Variants in LRRTM4 observed in about 807,000 individuals in gnomAD.
LRRTM4 encodes leucine-rich repeat transmembrane neuronal protein 4.
Under a neutral mutation model 47.6 loss-of-function variants are expected in LRRTM4, and 25 were observed. The observed-to-expected ratio is 0.53, with a 90% CI of 0.38 to 0.73. The LOEUF is 0.73. Ranked by LOEUF, LRRTM4 falls within the 30% of genes least tolerant of loss-of-function variation. The probability of loss-of-function intolerance (pLI) is 0.00; values close to 1 mark genes in which losing one functional copy is unlikely to be tolerated. For missense variants in LRRTM4, 638 were observed against 713.4 expected, an observed-to-expected ratio of 0.89 and a Z score of 1.20; for synonymous variants, 311 against 269.5, an observed-to-expected ratio of 1.15 and a Z score of -1.51.
chr2:76,775,211 T>G (rs1673911771), intron 3 of LRRTM4, among the ~76,000 whole-genome samples: 1 of 152,210 alleles, frequency 6.6e-6, no homozygotes, highest in South Asian at 2.1e-4. Flanking sequence ...CTTTTGCAAT[T>G]TTTTCTGTAA....
At chr2:77,421,579 T>C (rs560371751) in intron 3 of LRRTM4, among the ~76,000 whole-genome samples, 82 of 152,024 alleles carry the variant, frequency 5.4e-4, no homozygotes, top group East Asian at 2.1e-3. Flanking sequence ...TGTTGGCGGG[T>C]GCCTGTAGTC....
At chr2:77,024,690 G>A (rs914277999) in intron 3 of LRRTM4, among the ~76,000 whole-genome samples, 2 of 151,942 alleles carry the variant, frequency 1.3e-5, no homozygotes, top group African/African-American at 2.4e-5. Flanking sequence ...CACTTTTCCA[G>A]TTTCAGAATG....
chr2:77,082,172 AT>A (rs1680554461), intron 3 of LRRTM4, among the ~76,000 whole-genome samples: 1 of 152,040 alleles, frequency 6.6e-6, no homozygotes, highest in Admixed American at 6.6e-5. Flanking sequence ...TAATTTCTTA[AT>A]ATCTTTATTC....
At chr2:76,769,603 T>C (rs76019515) in intron 3 of LRRTM4, among the ~76,000 whole-genome samples, 386 of 152,254 alleles carry the variant, frequency 2.5e-3, no homozygotes, top group African/African-American at 8.9e-3. Flanking sequence ...ATGTTCTTTA[T>C]CACATTGGTC....
In LRRTM4 at chr2:76,863,955, T is replaced by C. The variant is rs561173065; in HGVS notation, c.1552-115039A>G. Among the ~76,000 whole-genome samples, 11 of 152,324 alleles carry C rather than the reference T, an allele frequency of 7.2e-5. No individual in the cohort carries two copies. In the East Asian group the frequency reaches 1.9e-3, roughly 27 times the overall value. On this transcript the variant is annotated intron_variant, in intron 3 of 3. Coordinates refer to ENST00000409884, the MANE Select transcript of LRRTM4 (RefSeq NM_001134745.3). The stretch of plus-strand genomic sequence containing the variant: ...ACACACACTGGTTTAAAAAGATCTA[T>C]GGGACCTAAAAAGATTCAGACTATA...
In LRRTM4 at chr2:76,763,792, C is replaced by T. The variant is rs1203647143; in HGVS notation, c.1552-14876G>A. On this transcript the variant is annotated intron_variant, in intron 3 of 3. Transcript: ENST00000409884. ...AATATAGAAGAAGTTAAAGTTAATTCTGGTGCGGAATCACAAATAAAGAAG... is the reference window on the plus strand; with the variant it reads ...AATATAGAAGAAGTTAAAGTTAATTTTGGTGCGGAATCACAAATAAAGAAG... 4.6e-5 allele frequency among the ~76,000 whole-genome samples: 7 copies of T among 152,152 alleles called. No individual in the cohort carries two copies. The South Asian group carries it at 1.4e-3, about 32-fold the overall frequency.
chr2:77,007,456 G>T (rs907968700), intron 3 of LRRTM4, among the ~76,000 whole-genome samples: 1 of 152,118 alleles, frequency 6.6e-6, no homozygotes, highest in Admixed American at 6.6e-5. Context: ...ATTCCCATGT[G>T]AAAGAATATA....
chr2:77,346,176 C>G (rs1030031723), intron 3 of LRRTM4, among the ~76,000 whole-genome samples: 2 of 151,952 alleles, frequency 1.3e-5, no homozygotes, highest in Non-Finnish European at 1.5e-5. Flanking sequence ...GAACAAAGAA[C>G]AGATTAGTAC....
chr2:76,788,759 T>A (rs920926799), intron 3 of LRRTM4, among the ~76,000 whole-genome samples: 12 of 152,128 alleles, frequency 7.9e-5, no homozygotes, highest in African/African-American at 2.9e-4. Flanking sequence ...CCCTGTGAAT[T>A]TTTAGGGGGG....
intron 3 of LRRTM4, among the ~76,000 whole-genome samples, chr2:77,416,320 G>A (rs1674632457): frequency 6.6e-6 from 1 of 151,938 alleles, no homozygotes; most frequent in African/African-American, 2.4e-5. Flanking sequence ...GAACAAGCCT[G>A]ATGTTATTAC....
intron 3 of LRRTM4, among the ~76,000 whole-genome samples, chr2:77,244,887 C>T (rs1348139674): frequency 1.3e-5 from 2 of 152,228 alleles, no homozygotes; most frequent in South Asian, 2.1e-4. Flanking sequence ...ATCCTGGCAA[C>T]ATCCGTGTAA....
chr2:76,854,235 T>C (rs1342564431), intron 3 of LRRTM4, among the ~76,000 whole-genome samples: 3 of 152,136 alleles, frequency 2.0e-5, no homozygotes, highest in Non-Finnish European at 4.4e-5. Context: ...AACTAACATA[T>C]AGTCATATGA....
At chr2:76,775,344 TTATGATCCCCTGATCTA>T (rs530705976) in intron 3 of LRRTM4, among the ~76,000 whole-genome samples, 127 of 152,272 alleles carry the variant, frequency 8.3e-4, no homozygotes, top group African/African-American at 2.9e-3. Flanking sequence ...TGAAAGGTCC[TTATGATCCCCTGATCTA>T]GAGATTGAAT....
intron 3 of LRRTM4, among the ~76,000 whole-genome samples, chr2:76,805,836 C>T (rs1057379275): frequency 6.6e-6 from 1 of 150,462 alleles, no homozygotes; most frequent in Admixed American, 6.6e-5. Flanking sequence ...AAACAAACAC[C>T]TCACATCCTG....
At chr2:77,207,372 T>TATATACACAC (rs59335400) in intron 3 of LRRTM4, among the ~76,000 whole-genome samples, 157 of 131,094 alleles carry the variant, frequency 1.2e-3, no homozygotes, top group African/African-American at 4.8e-3. Flanking sequence ...TATATATATA[T>TATATACACAC]ACACACACAC....
chr2:77,152,840 A>C (rs181987878), intron 3 of LRRTM4, among the ~76,000 whole-genome samples: 1 of 152,246 alleles, frequency 6.6e-6, no homozygotes, highest in Admixed American at 6.5e-5. Context: ...TAAATGTATG[A>C]GGTACAAAGA....
chr2:76,844,161 C>T (rs1224726899), intron 3 of LRRTM4, among the ~76,000 whole-genome samples: 1 of 150,178 alleles, frequency 6.7e-6, no homozygotes, highest in Non-Finnish European at 1.5e-5. Context: ...TCAAGACAGA[C>T]TCTCACGCTG....
intron 3 of LRRTM4, among the ~76,000 whole-genome samples, chr2:77,218,774 G>C (rs2103941664): frequency 6.6e-6 from 1 of 152,206 alleles, no homozygotes; most frequent in East Asian, 1.9e-4. Context: ...TTAATAAGGT[G>C]AATTTTGCAG....
chr2:77,393,064 C>G (rs1164711098), intron 3 of LRRTM4, among the ~76,000 whole-genome samples: 2 of 151,884 alleles, frequency 1.3e-5, no homozygotes, highest in Non-Finnish European at 2.9e-5. Context: ...TTAGAGCACA[C>G]TAAAAGTTTT....
Sources: allele counts gnomAD v4.1 joint callset (sites outside exome capture counted in the v4.1 genomes callset), GRCh38; gene constraint gnomAD v4.1.1; transcripts MANE v1.5; gene names NCBI Gene and HGNC (gene_info 2026-07-23, HGNC 2026-07-21).